The following ROBO2 variants were observed in gnomAD, a reference collection of about 807,000 sequenced individuals.
ROBO2 encodes roundabout homolog 2.
ROBO2 carries 53 observed loss-of-function variants against 160.8 expected under a neutral mutation model. That is an observed-to-expected ratio of 0.33 (90% confidence interval 0.26 to 0.41). The LOEUF (loss-of-function observed/expected upper bound fraction) is 0.41, where lower values mean the gene tolerates loss of function less well. ROBO2 is among the 10% of genes least tolerant of loss of function. The pLI, the probability that ROBO2 is intolerant of heterozygous loss-of-function variation, is 1.00. For missense variants in ROBO2, 1,577 were observed against 1,722.4 expected, an observed-to-expected ratio of 0.92 and a Z score of 1.49; for synonymous variants, 664 against 611.7, an observed-to-expected ratio of 1.09 and a Z score of -1.26.
intron 2 of ROBO2, among the ~76,000 whole-genome samples, chr3:76,749,298 A>G (rs1263520369): frequency 2.6e-5 from 4 of 151,956 alleles, no homozygotes; most frequent in East Asian, 1.9e-4. Flanking sequence ...ATACCACTAC[A>G]ATACAATTGT....
chr3:75,982,950 T>C (rs2065317224), intron 2 of ROBO2, among the ~76,000 whole-genome samples: 1 of 151,492 alleles, frequency 6.6e-6, no homozygotes, highest in Non-Finnish European at 1.5e-5. Flanking sequence ...GGAAATGTTT[T>C]CCAATTTTAA....
intron 2 of ROBO2, among the ~76,000 whole-genome samples, chr3:76,143,032 G>A (rs2071742681): frequency 1.3e-5 from 2 of 151,548 alleles, no homozygotes; most frequent in Admixed American, 1.3e-4. Context: ...GTTTATGTAT[G>A]TAGGTATTTG....
intron 2 of ROBO2, among the ~76,000 whole-genome samples, chr3:75,973,092 C>A (rs2065041291): frequency 1.3e-5 from 2 of 151,536 alleles, no homozygotes; most frequent in African/African-American, 4.8e-5. Context: ...GTCAAAGGAC[C>A]AGGCAATCAA....
chr3:77,511,862 A>AT (rs996916437), intron 5 of ROBO2, among the ~76,000 whole-genome samples: 1 of 151,866 alleles, frequency 6.6e-6, no homozygotes, highest in Non-Finnish European at 1.5e-5. Flanking sequence ...ACCTCCCAGG[A>AT]TTTTTTCTTT....
intron 23 of ROBO2, chr3:77,632,535 A>G (rs1208033785): frequency 1.3e-6 from 2 of 1,535,714 alleles, no homozygotes; most frequent in East Asian, 4.9e-5. Context: ...CTAGTCATAG[A>G]TCTAGTGTAG....
At chr3:76,217,364 T>C (rs1011400664) in intron 2 of ROBO2, among the ~76,000 whole-genome samples, 1 of 152,074 alleles carries the variant, frequency 6.6e-6, no homozygotes, top group Non-Finnish European at 1.5e-5. Flanking sequence ...AAAAAATCAA[T>C]GAATCCAGGA....
At chr3:76,736,997 A>G (rs2093723617) in intron 2 of ROBO2, among the ~76,000 whole-genome samples, 1 of 152,198 alleles carries the variant, frequency 6.6e-6, no homozygotes, top group South Asian at 2.1e-4. Flanking sequence ...AGATGTGCAT[A>G]TATGAACTCT....
chr3:77,242,589 G>A (rs2089197864), intron 2 of ROBO2, among the ~76,000 whole-genome samples: 2 of 152,034 alleles, frequency 1.3e-5, no homozygotes, highest in African/African-American at 2.4e-5. Flanking sequence ...ACAGTGACAC[G>A]ACTTGTTTAC....
At chr3:76,149,090 T>TTG (rs1181100367) in intron 2 of ROBO2, among the ~76,000 whole-genome samples, 2 of 152,058 alleles carry the variant, frequency 1.3e-5, no homozygotes, top group Non-Finnish European at 1.5e-5. Flanking sequence ...CAGTTTTTTT[T>TTG]TGTGTGTGTG....
At chr3:76,631,421 G>A (rs2090022653) in intron 2 of ROBO2, among the ~76,000 whole-genome samples, 4 of 151,612 alleles carry the variant, frequency 2.6e-5, no homozygotes, top group Non-Finnish European at 5.9e-5. Context: ...TAGTGTACGG[G>A]TAGAAAAAAA....
In ROBO2 at chr3:77,459,826, G is replaced by C. The variant is rs569860830; in HGVS notation, c.389-17588G>C. Among the ~76,000 whole-genome samples, 9 of 151,710 alleles carry C rather than the reference G, an allele frequency of 5.9e-5. No homozygotes were observed. In the South Asian group the frequency reaches 1.9e-3, roughly 32 times the overall value. ...CTAGAAGAAGAAAAAGGCCAGCATG[G>C]TTGGGAAGGAAGGGAGCAGAAGGGG... is the stretch of plus-strand genomic sequence containing the variant. On this transcript the variant is annotated intron_variant, in intron 2 of 25. Transcript: ENST00000461745.
chr3:76,107,945 C>T (rs2070021245), intron 2 of ROBO2, among the ~76,000 whole-genome samples: 1 of 151,998 alleles, frequency 6.6e-6, no homozygotes, highest in African/African-American at 2.4e-5. Context: ...TATGTGAAGG[C>T]ATATTAGCTG....
rs745825712 is a variant in ROBO2 at position 77,375,344 on chromosome 3, C to T, written c.389-102070C>T. ...TTCTTTTCTCATTTATTTTTTCTGT[C>T]GTATCATGCAGCTCTCACAGAAATA... is the stretch of plus-strand genomic sequence containing the variant. On this transcript the variant is annotated intron_variant, in intron 2 of 25. Coordinates refer to ENST00000461745, the Ensembl canonical transcript of ROBO2. 2.6e-5 allele frequency among the ~76,000 whole-genome samples: 4 copies of T among 152,244 alleles called. No individual in the cohort carries two copies. In the East Asian group the frequency reaches 5.8e-4, roughly 22 times the overall value.
At chr3:76,770,343 T>C (rs1481482264) in intron 2 of ROBO2, among the ~76,000 whole-genome samples, 1 of 151,346 alleles carries the variant, frequency 6.6e-6, no homozygotes, top group Non-Finnish European at 1.5e-5. Context: ...ACTCACTTAT[T>C]AAATATACTG....
intron 2 of ROBO2, among the ~76,000 whole-genome samples, chr3:76,578,306 A>G (rs1313761842): frequency 2.0e-5 from 3 of 152,098 alleles, no homozygotes; most frequent in African/African-American, 7.2e-5. Context: ...GTGCTGAAGT[A>G]TCATTAGGTT....
intron 2 of ROBO2, among the ~76,000 whole-genome samples, chr3:77,126,289 GA>G (rs2075306826): frequency 6.6e-6 from 1 of 152,112 alleles, no homozygotes; most frequent in Non-Finnish European, 1.5e-5. Context: ...GAAAATATAT[GA>G]CCATTAAATA....
intron 2 of ROBO2, among the ~76,000 whole-genome samples, chr3:76,953,826 G>A (rs1380623479): frequency 6.6e-6 from 1 of 152,120 alleles, no homozygotes; most frequent in Non-Finnish European, 1.5e-5. Context: ...TTAAATGTGT[G>A]TGTGTGTGTG....
intron 2 of ROBO2, among the ~76,000 whole-genome samples, chr3:76,482,116 T>G (rs1438174940): frequency 1.3e-5 from 2 of 152,054 alleles, no homozygotes; most frequent in Non-Finnish European, 2.9e-5. Context: ...AACCACCCAC[T>G]TCATTTCCCA....
intron 2 of ROBO2, among the ~76,000 whole-genome samples, chr3:77,024,684 G>A (rs1168735116): frequency 6.6e-6 from 1 of 152,024 alleles, no homozygotes; most frequent in Non-Finnish European, 1.5e-5. Context: ...CAGTTGTTCT[G>A]GATTCTACTT....
Sources: allele counts gnomAD v4.1 joint callset (sites outside exome capture counted in the v4.1 genomes callset), GRCh38; gene constraint gnomAD v4.1.1; transcripts MANE v1.5; gene names NCBI Gene and HGNC (gene_info 2026-07-23, HGNC 2026-07-21).